The following GRXCR1 variants were observed in gnomAD, a reference collection of about 807,000 sequenced individuals.
The protein encoded by GRXCR1 is glutaredoxin domain-containing cysteine-rich protein 1.
A neutral mutation model predicts 27.3 loss-of-function variants in GRXCR1; 27 were observed. The ratio of observed to expected loss-of-function variants is 0.99; its 90% CI spans 0.73 to 1.37. The LOEUF is 1.37. Ranked by LOEUF, GRXCR1 falls within the 40% of genes most tolerant of loss-of-function variation. GRXCR1 has a pLI of 0.00. For missense variants in GRXCR1, 379 were observed against 354.4 expected (o/e 1.07, Z -0.56); for synonymous variants, 122 against 131.1 (o/e 0.93, Z 0.47).
intron 1 of GRXCR1, among the ~76,000 whole-genome samples, chr4:42,928,100 T>C (rs1160501872): frequency 6.6e-6 from 1 of 151,938 alleles, no homozygotes; most frequent in Non-Finnish European, 1.5e-5. Flanking sequence ...TCTCCAGAAT[T>C]CCAGCAGAGA....
At chr4:42,947,087 G>A (rs1331337651) in intron 1 of GRXCR1, among the ~76,000 whole-genome samples, 1 of 152,100 alleles carries the variant, frequency 6.6e-6, no homozygotes. Flanking sequence ...TGCAAGTAGA[G>A]TGCAGATAGC....
chr4:42,936,515 C>T (rs1164866476), intron 1 of GRXCR1, among the ~76,000 whole-genome samples: 4 of 151,858 alleles, frequency 2.6e-5, no homozygotes, highest in African/African-American at 4.8e-5. Flanking sequence ...CAACACCCAA[C>T]GTTTCCTATT....
intron 2 of GRXCR1, among the ~76,000 whole-genome samples, chr4:43,013,508 G>T (rs1192905497): frequency 1.3e-5 from 2 of 152,054 alleles, no homozygotes; most frequent in Admixed American, 6.6e-5. Flanking sequence ...GGGGAGCAAG[G>T]GTTGAAAAAC....
chr4:43,021,955 T>A (rs887427585), intron 3 of GRXCR1, among the ~76,000 whole-genome samples: 2 of 152,190 alleles, frequency 1.3e-5, no homozygotes, highest in African/African-American at 4.8e-5. Flanking sequence ...ACCTTTCACC[T>A]GCCAGTATCT....
At chr4:42,920,449 C>T (rs904956953) in intron 1 of GRXCR1, among the ~76,000 whole-genome samples, 5 of 151,968 alleles carry the variant, frequency 3.3e-5, no homozygotes, top group South Asian at 2.1e-4. Flanking sequence ...TATGAAATAA[C>T]GATATATAAG....
At chr4:42,899,722 A>T (rs1243208952) in intron 1 of GRXCR1, among the ~76,000 whole-genome samples, 1 of 152,164 alleles carries the variant, frequency 6.6e-6, no homozygotes, top group Non-Finnish European at 1.5e-5. Context: ...CGACTTATCC[A>T]AGTTCTACTC....
At chr4:42,987,291 GAGAGAGAGAA>G (rs1201031453) in intron 2 of GRXCR1, among the ~76,000 whole-genome samples, 1 of 125,556 alleles carries the variant, frequency 8.0e-6, no homozygotes, top group Non-Finnish European at 1.7e-5. Flanking sequence ...GAGAGAGAGA[GAGAGAGAGAA>G]AGAGAGAGTC....
chr4:42,972,755 G>A (rs1034409270), intron 2 of GRXCR1, among the ~76,000 whole-genome samples: 6 of 152,200 alleles, frequency 3.9e-5, no homozygotes, highest in South Asian at 4.2e-4. Context: ...ATCACAATGG[G>A]TGTAGCCATG....
Position 42,893,321 on chromosome 4 carries a change from C to T in GRXCR1, c.55C>T (p.Arg19Trp), listed in dbSNP as rs754691699. ...TGACAGGCCACGGAAAGTCCGGTTT[C>T]GGATCGCGTCCTCTCACAGTGGGCG... ...ESDRPRKVRFRIASSHSGRVL... is the reference protein window; with the variant it reads ...ESDRPRKVRFWIASSHSGRVL... The change falls in exon 1 of 4, where the codon CGG becomes TGG. Residue 19 changes from arginine to tryptophan, a missense_variant. Coordinates refer to ENST00000399770, the MANE Select transcript of GRXCR1 (RefSeq NM_001080476.3). 2.1e-5 allele frequency: 34 copies of T among 1,613,618 alleles called. No individual in the cohort carries two copies. Among genetic ancestry groups the T allele is most frequent in the South Asian group, 2.0e-4 (18 of 91,078 alleles).
intron 1 of GRXCR1, among the ~76,000 whole-genome samples, chr4:42,919,569 C>T (rs1276522454): frequency 6.6e-6 from 1 of 152,086 alleles, no homozygotes; most frequent in Non-Finnish European, 1.5e-5. Flanking sequence ...CAGATTACTG[C>T]CTTCAGAGTT....
chr4:42,948,315 C>A (rs937040636), intron 1 of GRXCR1, among the ~76,000 whole-genome samples: 4 of 150,370 alleles, frequency 2.7e-5, no homozygotes, highest in Non-Finnish European at 5.9e-5. Flanking sequence ...AGATAAAGAA[C>A]AGGCAAATTA....
intron 1 of GRXCR1, among the ~76,000 whole-genome samples, chr4:42,896,633 GTGGCCTGGAAA>G (rs1425031030): frequency 6.6e-6 from 1 of 152,120 alleles, no homozygotes; most frequent in Non-Finnish European, 1.5e-5. Context: ...AGCCATGACT[GTGGCCTGGAAA>G]TAGGCGTTTA....
At chr4:43,024,806 T>C (rs191245674) in intron 3 of GRXCR1, among the ~76,000 whole-genome samples, 7 of 152,276 alleles carry the variant, frequency 4.6e-5, no homozygotes, top group African/African-American at 1.7e-4. Context: ...TAAAACAAAA[T>C]ACATAGACCA....
Position 43,030,651 on chromosome 4 carries a change from T to C in GRXCR1, c.*111T>C, listed in dbSNP as rs1413091131. The C allele has an allele frequency of 1.1e-6, 1 of 885,502 alleles. No individual in the cohort carries two copies. The highest frequency in any genetic ancestry group is 1.8e-6 in the Non-Finnish European group (1 of 559,788). 54.9% of individuals were successfully genotyped at this position (885,502 alleles called of 1,614,324 possible). On this transcript the variant is annotated 3_prime_UTR_variant, in exon 4 of 4. Coordinates refer to ENST00000399770, the MANE Select transcript of GRXCR1 (RefSeq NM_001080476.3). ...TATGGATTAATCAATAAACTTTGTT[T>C]ATTATAATTGTCTTTGTGGTGAATT...
intron 2 of GRXCR1, among the ~76,000 whole-genome samples, chr4:42,987,383 AG>A (rs1711806065): frequency 1.3e-5 from 2 of 150,364 alleles, no homozygotes; most frequent in South Asian, 4.2e-4. Context: ...CCTGAGATCA[AG>A]TGATCCTCCT....
At chr4:43,020,925 C>A (rs865789154) in intron 3 of GRXCR1, among the ~76,000 whole-genome samples, 2 of 152,124 alleles carry the variant, frequency 1.3e-5, no homozygotes, top group Non-Finnish European at 2.9e-5. Context: ...AACCGGAAAG[C>A]CCTTATTACC....
chr4:42,988,051 T>C (rs1337739647), intron 2 of GRXCR1, among the ~76,000 whole-genome samples: 2 of 152,072 alleles, frequency 1.3e-5, no homozygotes, highest in Admixed American at 1.3e-4. Context: ...TGCTAGAGCT[T>C]AAAATAACCT....
intron 3 of GRXCR1, among the ~76,000 whole-genome samples, chr4:43,026,550 A>T (rs1227233179): frequency 1.3e-5 from 2 of 152,192 alleles, no homozygotes; most frequent in East Asian, 3.9e-4. Context: ...CCTCACCACC[A>T]CTTTGGCTTT....
intron 1 of GRXCR1, among the ~76,000 whole-genome samples, chr4:42,924,076 A>C (rs1747085904): frequency 6.6e-6 from 1 of 152,076 alleles, no homozygotes; most frequent in African/African-American, 2.4e-5. Context: ...AAAGTAGAAA[A>C]AGCAATAGAC....
Sources: gnomAD v4.1 joint callset for allele counts (sites outside exome capture counted in the v4.1 genomes callset) on GRCh38, gnomAD v4.1.1 for gene constraint, MANE v1.5 for transcripts, NCBI Gene and HGNC (gene_info 2026-07-23, HGNC 2026-07-21) for gene names.